Variants in LINGO2 observed in about 807,000 individuals in gnomAD.
LINGO2 encodes leucine-rich repeat and immunoglobulin-like domain-containing nogo receptor-interacting protein 2.
In LINGO2, 14 loss-of-function variants were observed where a neutral mutation model predicts 30.6. That is an observed-to-expected ratio of 0.46 (90% CI 0.30 to 0.72). LINGO2 has a LOEUF of 0.72. Ranked by LOEUF, LINGO2 falls within the 30% of genes least tolerant of loss-of-function variation. The pLI, the probability that LINGO2 is intolerant of heterozygous loss-of-function variation, is 0.07. For missense variants in LINGO2, 729 were observed against 751.7 expected, an observed-to-expected ratio of 0.97 and a Z score of 0.35; for synonymous variants, 317 against 288.5, an observed-to-expected ratio of 1.10 and a Z score of -1.00.
chr9:28,506,497 C>G (rs368212000), intron 1 of LINGO2, among the ~76,000 whole-genome samples: 6,135 of 84,848 alleles, frequency 0.072, 1,555 homozygotes, highest in Middle Eastern at 0.1. Context: ...TACACACACA[C>G]ACACAGACAT....
chr9:28,382,261 A>G (rs1417942144), intron 2 of LINGO2, among the ~76,000 whole-genome samples: 3 of 152,178 alleles, frequency 2.0e-5, no homozygotes, highest in Non-Finnish European at 2.9e-5. Context: ...ATTTATATTT[A>G]TGACATTCAA....
At chr9:28,141,593 T>C (rs1563998344) in intron 4 of LINGO2, among the ~76,000 whole-genome samples, 1 of 152,214 alleles carries the variant, frequency 6.6e-6, no homozygotes. Context: ...TCCTCATTAG[T>C]CTATGCCTGT....
At chr9:28,123,386 C>T (rs189056406) in intron 4 of LINGO2, among the ~76,000 whole-genome samples, 236 of 152,272 alleles carry the variant, frequency 1.5e-3, no homozygotes, top group Admixed American at 6.9e-3. Flanking sequence ...TGAGTCTATT[C>T]ATCTACCTGG....
intron 3 of LINGO2, among the ~76,000 whole-genome samples, chr9:28,298,907 T>C (rs1011832306): frequency 1.3e-5 from 2 of 152,214 alleles, no homozygotes; most frequent in Admixed American, 6.5e-5. Flanking sequence ...AATTCTAACA[T>C]GTACAAACGC....
the LINGO2 span, among the ~76,000 whole-genome samples, chr9:28,728,164 C>T: frequency 6.6e-6 from 1 of 152,106 alleles, no homozygotes; most frequent in African/African-American, 2.4e-5. Flanking sequence ...TACCTCTACT[C>T]TCACTTTTTG....
intron 4 of LINGO2, among the ~76,000 whole-genome samples, chr9:28,199,629 C>A (rs978713300): frequency 1.3e-5 from 2 of 152,144 alleles, no homozygotes. Flanking sequence ...TGAGCCACTG[C>A]GCCTGGCCCC....
At chr9:28,089,131 C>T (rs749452284) in intron 4 of LINGO2, among the ~76,000 whole-genome samples, 4 of 152,116 alleles carry the variant, frequency 2.6e-5, no homozygotes, top group Non-Finnish European at 5.9e-5. Context: ...CTTTAACACA[C>T]CATTGTCAAC....
chr9:27,951,443 C>CT (rs1050833547), intron 5 of LINGO2, among the ~76,000 whole-genome samples: 18 of 152,154 alleles, frequency 1.2e-4, no homozygotes, highest in Non-Finnish European at 2.1e-4. Flanking sequence ...TAAAAATGCT[C>CT]TTTTAAATGA....
chr9:28,544,589 A>G (rs1215602930), intron 1 of LINGO2, among the ~76,000 whole-genome samples: 1 of 152,132 alleles, frequency 6.6e-6, no homozygotes, highest in Non-Finnish European at 1.5e-5. Flanking sequence ...ATTCCCACCC[A>G]TGTTAGTATC....
chr9:28,462,418 A>T (rs1216551434), intron 2 of LINGO2, among the ~76,000 whole-genome samples: 3 of 149,964 alleles, frequency 2.0e-5, no homozygotes, highest in Admixed American at 1.3e-4. Flanking sequence ...TCTAGCTAAA[A>T]AAAAAAAAAA....
the LINGO2 span, among the ~76,000 whole-genome samples, chr9:28,828,933 C>T: frequency 6.6e-6 from 1 of 152,042 alleles, no homozygotes; most frequent in East Asian, 1.9e-4. Flanking sequence ...AGGATGGGTC[C>T]CCAGAGAAGG....
At chr9:27,957,506 A>C (rs973399667) in intron 5 of LINGO2, among the ~76,000 whole-genome samples, 3 of 152,068 alleles carry the variant, frequency 2.0e-5, no homozygotes, top group African/African-American at 7.2e-5. Context: ...GTTGGCCAGG[A>C]TGATCTCGAT....
the LINGO2 span, among the ~76,000 whole-genome samples, chr9:28,693,893 T>C: frequency 6.6e-6 from 1 of 152,062 alleles, no homozygotes; most frequent in East Asian, 1.9e-4. Context: ...TTACTGGAAG[T>C]CATACACAAA....
the LINGO2 span, among the ~76,000 whole-genome samples, chr9:29,017,159 GTTGT>G: frequency 1.7e-5 from 2 of 115,324 alleles, no homozygotes; most frequent in South Asian, 6.0e-4. Flanking sequence ...TTTTTTGCAT[GTTGT>G]TTATCATACT....
chr9:28,804,564 C>A, the LINGO2 span, among the ~76,000 whole-genome samples: 100 of 127,822 alleles, frequency 7.8e-4, 1 homozygote, highest in Admixed American at 7.6e-3. Context: ...AAAACAAAAA[C>A]AAAAAAAAAA....
chr9:28,452,375 A>C (rs997354018), intron 2 of LINGO2, among the ~76,000 whole-genome samples: 15 of 151,802 alleles, frequency 9.9e-5, no homozygotes, highest in African/African-American at 3.6e-4. Context: ...CCATGTGTGA[A>C]ACATGTATTT....
At chr9:29,132,304 C>T in the LINGO2 span, among the ~76,000 whole-genome samples, 1 of 152,120 alleles carries the variant, frequency 6.6e-6, no homozygotes, top group African/African-American at 2.4e-5. Flanking sequence ...AAAAGGAAAA[C>T]TCCAACTTTC....
At chr9:29,141,529 A>C in the LINGO2 span, among the ~76,000 whole-genome samples, 4 of 151,926 alleles carry the variant, frequency 2.6e-5, no homozygotes, top group Non-Finnish European at 5.9e-5. Context: ...AAGACAGAAA[A>C]CAATTAAGAA....
At chr9:28,791,956 T>C in the LINGO2 span, among the ~76,000 whole-genome samples, 1 of 151,566 alleles carries the variant, frequency 6.6e-6, no homozygotes, top group Non-Finnish European at 1.5e-5. Context: ...GTAATTATCA[T>C]ATAATTATGT....
Sources: allele counts gnomAD v4.1 joint callset (sites outside exome capture counted in the v4.1 genomes callset), GRCh38; gene constraint gnomAD v4.1.1; transcripts MANE v1.5; gene names NCBI Gene and HGNC (gene_info 2026-07-23, HGNC 2026-07-21).